FOXP1: variants seen among roughly 807,000 people sequenced by gnomAD.
The protein encoded by FOXP1 is forkhead box protein P1.
A neutral mutation model predicts 98.2 loss-of-function variants in FOXP1; 15 were observed. The ratio of observed to expected loss-of-function variants is 0.15; its 90% confidence interval spans 0.10 to 0.24. FOXP1 has a LOEUF of 0.24. Ranked by LOEUF, FOXP1 falls within the 10% of genes least tolerant of loss-of-function variation. FOXP1 has a pLI of 1.00. For synonymous variants in FOXP1, 371 were observed against 314.5 expected (o/e 1.18, Z -1.90); for missense variants, 633 against 848.5 (o/e 0.75, Z 3.15).
chr3:70,989,232 A>G (rs1257890238), intron 13 of FOXP1, among the ~76,000 whole-genome samples: 1 of 152,208 alleles, frequency 6.6e-6, no homozygotes, highest in Non-Finnish European at 1.5e-5. Flanking sequence ...AACCGTACAA[A>G]AGGGAGAAGG....
intron 6 of FOXP1, among the ~76,000 whole-genome samples, chr3:71,181,781 C>G (rs1328385333): frequency 1.3e-5 from 2 of 151,842 alleles, no homozygotes; most frequent in African/African-American, 2.4e-5. Context: ...GCCTGTAATC[C>G]CAACACTTTG....
chr3:71,272,601 C>T (rs1056431435), intron 5 of FOXP1, among the ~76,000 whole-genome samples: 1 of 151,458 alleles, frequency 6.6e-6, no homozygotes, highest in Admixed American at 6.6e-5. Flanking sequence ...TCTCTAGTCC[C>T]TTGTTTTCCT....
chr3:71,198,740 T>C (rs1023706383), intron 5 of FOXP1, among the ~76,000 whole-genome samples: 10 of 152,090 alleles, frequency 6.6e-5, no homozygotes, highest in Non-Finnish European at 1.0e-4. Flanking sequence ...TCGCCCAGGC[T>C]GGAGTGCAGC....
chr3:71,326,205 A>G (rs1414071871), intron 4 of FOXP1, among the ~76,000 whole-genome samples: 3 of 152,214 alleles, frequency 2.0e-5, no homozygotes, highest in African/African-American at 4.8e-5. Context: ...TCAAAGCACT[A>G]TGAAATGTAA....
At chr3:71,071,824 C>T (rs2053268340) in intron 7 of FOXP1, among the ~76,000 whole-genome samples, 1 of 152,194 alleles carries the variant, frequency 6.6e-6, no homozygotes, top group Admixed American at 6.5e-5. Context: ...GATCGGCCTG[C>T]TTCAGCCTCC....
intron 5 of FOXP1, among the ~76,000 whole-genome samples, chr3:71,201,376 T>C (rs1434919539): frequency 2.0e-5 from 3 of 152,250 alleles, no homozygotes; most frequent in Admixed American, 2.0e-4. Flanking sequence ...CCGGGTGCAG[T>C]GGCTCATGCC....
At chr3:71,110,329 G>A (rs746937140) in intron 7 of FOXP1, among the ~76,000 whole-genome samples, 2 of 152,204 alleles carry the variant, frequency 1.3e-5, no homozygotes, top group Non-Finnish European at 2.9e-5. Context: ...CTGAAGAGCA[G>A]TGTGATCAGA....
chr3:71,060,516 C>A (rs1338466633), intron 7 of FOXP1, among the ~76,000 whole-genome samples: 2 of 152,062 alleles, frequency 1.3e-5, no homozygotes, highest in South Asian at 4.1e-4. Flanking sequence ...AGACCCGCCT[C>A]ATGAAGTGGT....
chr3:71,543,228 G>C lies in FOXP1; in HGVS notation c.-298+38321C>G, dbSNP rs2045027194. Among the ~76,000 whole-genome samples, 5 of 152,140 alleles carry C rather than the reference G, an allele frequency of 3.3e-5. No individual in the cohort carries two copies. In the South Asian group the frequency reaches 1.0e-3, roughly 32 times the overall value. ...AGGCAAGCTGGCAATAAGAGGGAAG[G>C]GAATAAATTGCATCATTTAGTTAAC... On this transcript the variant is annotated intron_variant, in intron 2 of 20. Transcript: ENST00000649528.
At chr3:71,325,181 T>A (rs2075616228) in intron 4 of FOXP1, among the ~76,000 whole-genome samples, 1 of 151,846 alleles carries the variant, frequency 6.6e-6, no homozygotes, top group African/African-American at 2.4e-5. Context: ...GTCTCCCAAG[T>A]AGCTGGGATT....
At chr3:70,997,872 T>G (rs1333367874) in intron 13 of FOXP1, among the ~76,000 whole-genome samples, 3 of 152,192 alleles carry the variant, frequency 2.0e-5, no homozygotes, top group Non-Finnish European at 2.9e-5. Flanking sequence ...TGAATGGATG[T>G]CTGGGTGGAT....
intron 3 of FOXP1, among the ~76,000 whole-genome samples, chr3:71,364,908 T>C (rs1483217192): frequency 6.6e-6 from 1 of 152,270 alleles, no homozygotes; most frequent in Non-Finnish European, 1.5e-5. Context: ...GATATTTTAC[T>C]ATCTTTTAGT....
At chr3:71,040,336 A>G (rs1275079404) in intron 11 of FOXP1, 1 of 152,178 alleles carries the variant, frequency 6.6e-6, no homozygotes, top group African/African-American at 2.4e-5. Flanking sequence ...CTTTCTCCTG[A>G]GAGAAATGGC....
intron 20 of FOXP1, among the ~76,000 whole-genome samples, chr3:70,961,123 C>G (rs181125708): frequency 1.3e-5 from 2 of 150,798 alleles, no homozygotes; most frequent in South Asian, 4.2e-4. Context: ...TGAGCCACTG[C>G]GCCCGGCTGC....
intron 4 of FOXP1, among the ~76,000 whole-genome samples, chr3:71,324,000 T>C (rs1399828897): frequency 6.6e-6 from 1 of 152,148 alleles, no homozygotes; most frequent in Non-Finnish European, 1.5e-5. Context: ...GATACTACCA[T>C]GTGGCCCTCC....
intron 11 of FOXP1, among the ~76,000 whole-genome samples, chr3:71,034,145 G>C (rs1268756633): frequency 6.6e-6 from 1 of 152,144 alleles, no homozygotes; most frequent in African/African-American, 2.4e-5. Flanking sequence ...AAAAAGATGA[G>C]GTGGGTGCAA....
intron 3 of FOXP1, among the ~76,000 whole-genome samples, chr3:71,483,124 C>T (rs1389599748): frequency 2.0e-5 from 3 of 152,156 alleles, no homozygotes; most frequent in South Asian, 2.1e-4. Flanking sequence ...CAGGTGTGAG[C>T]CACCACGCCC....
chr3:71,274,820 G>GT (rs1297376344), intron 5 of FOXP1, among the ~76,000 whole-genome samples: 3 of 152,150 alleles, frequency 2.0e-5, no homozygotes, highest in Admixed American at 2.0e-4. Flanking sequence ...TTTCACTGTT[G>GT]TTAAAAGCAA....
chr3:71,154,058 T>C (rs2060703693), intron 6 of FOXP1, among the ~76,000 whole-genome samples: 1 of 151,966 alleles, frequency 6.6e-6, no homozygotes, highest in Admixed American at 6.6e-5. Flanking sequence ...CTATGGAATT[T>C]TGTTTTTCCC....
Sources: gnomAD v4.1 joint callset for allele counts (sites outside exome capture counted in the v4.1 genomes callset) on GRCh38, gnomAD v4.1.1 for gene constraint, MANE v1.5 for transcripts, NCBI Gene and HGNC (gene_info 2026-07-23, HGNC 2026-07-21) for gene names.